TNIK: variants seen among roughly 807,000 people sequenced by gnomAD.
TNIK encodes TRAF2 and NCK interacting kinase.
A neutral mutation model predicts 191.3 loss-of-function variants in TNIK; 49 were observed. The ratio of observed to expected loss-of-function variants is 0.26; its 90% CI spans 0.20 to 0.32. The LOEUF (loss-of-function observed/expected upper bound fraction) is 0.32. Among genes scored for constraint, TNIK ranks in the 10% least tolerant of loss-of-function variants. The pLI is 1.00. For missense variants in TNIK, 1,155 were observed against 1,702.3 expected (o/e 0.68, Z 5.66); for synonymous variants, 594 against 600.9 (o/e 0.99, Z 0.17).
At position 171,453,305 on chromosome 3, in the gene TNIK, T is replaced by C. The variant is rs554118511; in HGVS notation, c.57+6702A>G. Reference sequence around the variant, plus strand: ...AGGTGTGAGGTCAGTTCTGAGACAGTCTATGAGTGGGAGGGACAACTTGAG... The same window carrying C: ...AGGTGTGAGGTCAGTTCTGAGACAGCCTATGAGTGGGAGGGACAACTTGAG... On this transcript the variant is annotated intron_variant, in intron 1 of 32. Transcript: ENST00000436636. Among the ~76,000 whole-genome samples, 679 of 152,228 alleles carry C rather than the reference T, an allele frequency of 4.5e-3. 5 individuals are homozygous for C. Among genetic ancestry groups the C allele is most frequent in the African/African-American group, 0.015 (643 of 41,520 alleles).
intron 15 of TNIK, among the ~76,000 whole-genome samples, chr3:171,130,432 A>G (rs1729091083): frequency 6.6e-6 from 1 of 152,214 alleles, no homozygotes; most frequent in African/African-American, 2.4e-5. Context: ...CACACACCAA[A>G]TGAGATTTGC....
chr3:171,220,149 A>G (rs886781158), intron 3 of TNIK, among the ~76,000 whole-genome samples: 2 of 152,104 alleles, frequency 1.3e-5, no homozygotes, highest in Non-Finnish European at 2.9e-5. Flanking sequence ...AGAACAGAAA[A>G]CCAAACACTG....
chr3:171,112,975 GGTGTGTGCAT>G (rs1726078440), intron 18 of TNIK, among the ~76,000 whole-genome samples: 1 of 152,040 alleles, frequency 6.6e-6, no homozygotes, highest in Non-Finnish European at 1.5e-5. Flanking sequence ...CTAAGTTTGG[GGTGTGTGCAT>G]GTGTGTGTGC....
intron 12 of TNIK, among the ~76,000 whole-genome samples, chr3:171,148,077 T>C (rs1731884844): frequency 6.6e-6 from 1 of 152,150 alleles, no homozygotes; most frequent in African/African-American, 2.4e-5. Context: ...AACTCATTCC[T>C]TTCTTTCTAC....
Position 171,451,690 on chromosome 3 carries a change from A to C in TNIK, c.57+8317T>G, listed in dbSNP as rs556036816. 4.1e-4 allele frequency among the ~76,000 whole-genome samples: 62 copies of C among 152,328 alleles called. 1 individual carries two copies. The South Asian group carries it at 0.012, about 31-fold the overall frequency. On this transcript the variant is annotated intron_variant, in intron 1 of 32. Transcript: ENST00000436636. ...AACAGAAAAAAATCAGTGTGGCTAG[A>C]GTGTAGTAAAAGACAAGTGCAGGCT...
At chr3:171,396,203 C>T (rs1720232940) in intron 1 of TNIK, among the ~76,000 whole-genome samples, 1 of 149,752 alleles carries the variant, frequency 6.7e-6, no homozygotes, top group African/African-American at 2.4e-5. Flanking sequence ...TGAAATCATA[C>T]AATATGTGAC....
At chr3:171,253,369 G>A (rs540827574) in intron 2 of TNIK, among the ~76,000 whole-genome samples, 22 of 151,824 alleles carry the variant, frequency 1.4e-4, no homozygotes, top group Non-Finnish European at 2.5e-4. Flanking sequence ...AGTGAGGTGC[G>A]AAAGGTCTCT....
chr3:171,163,289 C>T (rs1734232145), intron 10 of TNIK, among the ~76,000 whole-genome samples: 1 of 152,170 alleles, frequency 6.6e-6, no homozygotes, highest in Admixed American at 6.5e-5. Flanking sequence ...TGTCACATTA[C>T]TCCTATCTCT....
At chr3:171,163,897 GA>G (rs1378338467) in intron 10 of TNIK, among the ~76,000 whole-genome samples, 3 of 152,086 alleles carry the variant, frequency 2.0e-5, no homozygotes, top group African/African-American at 7.2e-5. Context: ...ATATCAGGTT[GA>G]AAAAAATCAC....
Position 171,157,501 on chromosome 3 carries a change from G to T in TNIK, c.1180C>A (p.Arg394Ser). Reference protein sequence around the residue: ...KRQLLAERQKRIEEQKEQRRR... With the variant: ...KRQLLAERQKSIEEQKEQRRR... Reference sequence around the variant, plus strand: ...CTCTGCTCTTTCTGCTCCTCGATGCGCTTCTGACGCTCGGCCAGCAGCTGC... The same window carrying T: ...CTCTGCTCTTTCTGCTCCTCGATGCTCTTCTGACGCTCGGCCAGCAGCTGC... Residue 394 changes from arginine to serine, a missense_variant, in exon 12 of 33, where the codon CGC (arginine) becomes AGC (serine). Arg to Ser is a moderately radical substitution (Grantham distance 110, BLOSUM62 -1). Around this residue, in one of 3 missense-constraint regions of TNIK, gnomAD observed 735 missense variants for 848.0 expected, o/e 0.87. Transcript: ENST00000436636. 1.3e-6 allele frequency: 2 copies of T among 1,575,318 alleles called. No individual in the cohort carries two copies. The highest frequency in any genetic ancestry group is 1.7e-6 in the Non-Finnish European group (2 of 1,160,978).
chr3:171,220,363 C>A (rs1287848679), intron 3 of TNIK, among the ~76,000 whole-genome samples: 1 of 152,072 alleles, frequency 6.6e-6, no homozygotes, highest in Non-Finnish European at 1.5e-5. Flanking sequence ...GCATGTTCTG[C>A]ACATGTACCC....
intron 2 of TNIK, among the ~76,000 whole-genome samples, chr3:171,292,708 G>A (rs994504355): frequency 2.7e-5 from 4 of 148,058 alleles, no homozygotes; most frequent in African/African-American, 7.5e-5. Flanking sequence ...CCCGGGAAGC[G>A]GAGCTTGCAG....
At chr3:171,403,035 T>A (rs1056362060) in intron 1 of TNIK, among the ~76,000 whole-genome samples, 1 of 151,740 alleles carries the variant, frequency 6.6e-6, no homozygotes, top group Non-Finnish European at 1.5e-5. Flanking sequence ...TCCATGAAAA[T>A]AAGGGAGTAA....
At chr3:171,403,035 T>C (rs1056362060) in intron 1 of TNIK, among the ~76,000 whole-genome samples, 1 of 151,740 alleles carries the variant, frequency 6.6e-6, no homozygotes, top group African/African-American at 2.4e-5. Flanking sequence ...TCCATGAAAA[T>C]AAGGGAGTAA....
At chr3:171,388,887 TAC>T (rs1332202538) in intron 1 of TNIK, among the ~76,000 whole-genome samples, 1 of 152,174 alleles carries the variant, frequency 6.6e-6, no homozygotes, top group African/African-American at 2.4e-5. Flanking sequence ...TTGAAGTACA[TAC>T]AGTTTTTGAA....
At chr3:171,289,237 A>G (rs1751405342) in intron 2 of TNIK, among the ~76,000 whole-genome samples, 1 of 152,226 alleles carries the variant, frequency 6.6e-6, no homozygotes, top group Non-Finnish European at 1.5e-5. Flanking sequence ...CCTCTAAAGT[A>G]GATATTCAAC....
intron 9 of TNIK, among the ~76,000 whole-genome samples, chr3:171,172,198 C>T (rs1241504610): frequency 1.3e-5 from 2 of 152,178 alleles, no homozygotes; most frequent in Non-Finnish European, 2.9e-5. Context: ...TAGACTCAGT[C>T]ATGTTGAAAA....
chr3:171,249,910 C>T (rs1487117277), intron 2 of TNIK, among the ~76,000 whole-genome samples: 2 of 152,122 alleles, frequency 1.3e-5, no homozygotes. Flanking sequence ...TACTGTATAT[C>T]AACTTGTCAG....
At chr3:171,364,985 T>C (rs753594084) in intron 2 of TNIK, among the ~76,000 whole-genome samples, 10 of 151,896 alleles carry the variant, frequency 6.6e-5, no homozygotes, top group Non-Finnish European at 1.2e-4. Flanking sequence ...AAAACACGAC[T>C]TTTAGTGACA....
Sources: allele counts gnomAD v4.1 joint callset (sites outside exome capture counted in the v4.1 genomes callset), GRCh38; gene constraint gnomAD v4.1.1; regional missense constraint gnomAD v4.1.1; transcripts MANE v1.5; gene names NCBI Gene and HGNC (gene_info 2026-07-23, HGNC 2026-07-21).